TNKS: variants seen among roughly 807,000 people sequenced by gnomAD.
TNKS encodes tankyrase.
A neutral mutation model predicts 135.8 loss-of-function variants in TNKS; 72 were observed. The observed-to-expected ratio is 0.53, with a 90% CI of 0.44 to 0.64. The LOEUF (loss-of-function observed/expected upper bound fraction) is 0.64. TNKS is among the 30% of genes least tolerant of loss of function. The pLI, the probability that TNKS is intolerant of heterozygous loss-of-function variation, is 0.00. For missense variants in TNKS, 1,769 were observed against 1,674.0 expected, an observed-to-expected ratio of 1.06 and a Z score of -0.99; for synonymous variants, 849 against 649.3, an observed-to-expected ratio of 1.31 and a Z score of -4.68.
intron 17 of TNKS, among the ~76,000 whole-genome samples, chr8:9,736,122 T>G (rs1805690985): frequency 6.7e-6 from 1 of 149,848 alleles, no homozygotes; most frequent in African/African-American, 2.4e-5. Flanking sequence ...AAATACCAAT[T>G]TCTTAATTCT....
intron 5 of TNKS, among the ~76,000 whole-genome samples, chr8:9,696,483 G>C (rs1309835927): frequency 6.6e-6 from 1 of 151,962 alleles, no homozygotes; most frequent in Non-Finnish European, 1.5e-5. Flanking sequence ...CATCTGGATA[G>C]GGAAAAAAAA....
intron 3 of TNKS, among the ~76,000 whole-genome samples, chr8:9,637,634 C>G (rs1414604457): frequency 1.3e-5 from 2 of 152,050 alleles, no homozygotes; most frequent in African/African-American, 4.8e-5. Context: ...ATCCTTTTCT[C>G]CAGGAGAGCA....
chr8:9,562,565 G>C (rs542451968), intron 1 of TNKS, among the ~76,000 whole-genome samples: 3 of 152,118 alleles, frequency 2.0e-5, no homozygotes, highest in Non-Finnish European at 1.5e-5. Flanking sequence ...TTTAAAGTGT[G>C]TCTATTATAG....
At chr8:9,601,465 A>G (rs549131649) in intron 2 of TNKS, among the ~76,000 whole-genome samples, 1 of 152,290 alleles carries the variant, frequency 6.6e-6, no homozygotes, top group South Asian at 2.1e-4. Context: ...TTTTAAGTCC[A>G]GAACCAGATG....
At chr8:9,707,251 A>T (rs1804092122) in intron 8 of TNKS, among the ~76,000 whole-genome samples, 1 of 152,162 alleles carries the variant, frequency 6.6e-6, no homozygotes, top group South Asian at 2.1e-4. Flanking sequence ...TTGAAGGCTA[A>T]TGAGGATGAG....
intron 3 of TNKS, among the ~76,000 whole-genome samples, chr8:9,661,369 C>A (rs1034920952): frequency 2.6e-5 from 4 of 152,172 alleles, no homozygotes; most frequent in African/African-American, 9.7e-5. Flanking sequence ...CAGCATGGTA[C>A]TGGTACCAAA....
At chr8:9,770,625 G>T (rs1807772347) in intron 26 of TNKS, among the ~76,000 whole-genome samples, 1 of 152,136 alleles carries the variant, frequency 6.6e-6, no homozygotes, top group African/African-American at 2.4e-5. Flanking sequence ...CATGCCACAG[G>T]ATTTGTCCAA....
intron 3 of TNKS, among the ~76,000 whole-genome samples, chr8:9,642,357 CTG>C (rs1315465901): frequency 6.8e-6 from 1 of 146,382 alleles, no homozygotes. Context: ...AAATATATGA[CTG>C]TTTTTACATA....
chr8:9,716,329 T>C (rs1241974873), intron 11 of TNKS, among the ~76,000 whole-genome samples: 2 of 152,136 alleles, frequency 1.3e-5, no homozygotes, highest in Non-Finnish European at 2.9e-5. Context: ...TAAAGTACTT[T>C]TAAAGATACT....
chr8:9,768,671 G>T (rs1369384556), intron 25 of TNKS, among the ~76,000 whole-genome samples: 2 of 152,238 alleles, frequency 1.3e-5, no homozygotes, highest in African/African-American at 2.4e-5. Flanking sequence ...GAAGACCAGG[G>T]CCTGTCAAGT....
chr8:9,766,187 G>A (rs566256545), intron 24 of TNKS, 52 bp from the exon 25 acceptor site: 15 of 1,485,548 alleles, frequency 1.0e-5, no homozygotes, highest in Middle Eastern at 1.8e-4. Flanking sequence ...GCAGGTAATT[G>A]AGCTTCTAGA....
intron 3 of TNKS, among the ~76,000 whole-genome samples, chr8:9,669,886 T>C (rs997808341): frequency 1.7e-4 from 26 of 152,170 alleles, no homozygotes; most frequent in Admixed American, 1.7e-3. Flanking sequence ...GCAATTTTGC[T>C]AAATATTATA....
At chr8:9,660,692 T>C (rs547361730) in intron 3 of TNKS, among the ~76,000 whole-genome samples, 122 of 152,190 alleles carry the variant, frequency 8.0e-4, no homozygotes, top group African/African-American at 2.9e-3. Context: ...AGGGTTGCCC[T>C]CTCTCACCAG....
intron 5 of TNKS, among the ~76,000 whole-genome samples, chr8:9,697,181 A>G (rs1451525725): frequency 6.6e-6 from 1 of 152,216 alleles, no homozygotes; most frequent in African/African-American, 2.4e-5. Context: ...CACAAGTCCA[A>G]CGAAAAGAAT....
chr8:9,606,360 G>A (rs1799221053), intron 2 of TNKS, among the ~76,000 whole-genome samples: 2 of 151,848 alleles, frequency 1.3e-5, no homozygotes, highest in South Asian at 2.1e-4. Flanking sequence ...TGGAAGTTAT[G>A]CTTCATAACA....
chr8:9,580,169 G>A lies in TNKS; in HGVS notation c.684G>A (p.Arg228=). 1 of 1,614,052 alleles carries A rather than the reference G, an allele frequency of 6.2e-7. No individual in the cohort carries two copies. Among genetic ancestry groups the A allele is most frequent in the Non-Finnish European group, 8.5e-7 (1 of 1,179,950 alleles). ...SPLHFAAGFG[R]KDVVEHLLQM... is the part of the protein sequence containing the mutation. ...TTCGTTTCTTTTTAGGTTTTGGAAG[G>A]AAGGATGTTGTAGAACACTTACTAC... The change falls in exon 2 of 27, where the codon AGG becomes AGA. Residue 228 remains arginine, a synonymous_variant. Coordinates refer to ENST00000310430, the MANE Select transcript of TNKS (RefSeq NM_003747.3).
intron 26 of TNKS, among the ~76,000 whole-genome samples, chr8:9,773,505 T>C (rs1808057590): frequency 6.6e-6 from 1 of 152,178 alleles, no homozygotes; most frequent in Non-Finnish European, 1.5e-5. Flanking sequence ...TTCAGTTCTC[T>C]TTACCATATG....
chr8:9,715,367 G>A lies in TNKS; in HGVS notation c.1750-5007G>A, dbSNP rs934584977. ...AGAGGTTGTACTAGCAGCAGGGGGG[G>A]CGGGTATGATCATCTCTGGTCTGAA... On this transcript the variant is annotated intron_variant, in intron 11 of 26. Coordinates refer to ENST00000310430, the MANE Select transcript of TNKS (RefSeq NM_003747.3). 3.3e-5 allele frequency among the ~76,000 whole-genome samples: 5 copies of A among 151,000 alleles called. No homozygotes were observed. In the South Asian group the frequency reaches 8.4e-4, roughly 25 times the overall value.
chr8:9,747,905 G>A (rs1806317677), intron 17 of TNKS, 119 bp from the exon 18 acceptor site: 1 of 980,102 alleles, frequency 1.0e-6, no homozygotes, highest in Non-Finnish European at 1.5e-6. Flanking sequence ...AGAAACTTCT[G>A]TTAAGGATGA....
Sources: allele counts gnomAD v4.1 joint callset (sites outside exome capture counted in the v4.1 genomes callset), GRCh38; gene constraint gnomAD v4.1.1; transcripts MANE v1.5; gene names NCBI Gene and HGNC (gene_info 2026-07-23, HGNC 2026-07-21).